The following LRBA variants were observed in gnomAD, a reference collection of about 807,000 sequenced individuals.
LRBA encodes lipopolysaccharide-responsive and beige-like anchor protein.
A neutral mutation model predicts 330.0 loss-of-function variants in LRBA; 176 were observed. The ratio of observed to expected loss-of-function variants is 0.53; its 90% CI spans 0.47 to 0.60. The LOEUF (loss-of-function observed/expected upper bound fraction) is 0.60, where lower values mean the gene tolerates loss of function less well. LRBA is among the 20% of genes least tolerant of loss of function. The probability of loss-of-function intolerance (pLI) is 0.00; values close to 1 mark genes in which losing one functional copy is unlikely to be tolerated. For missense variants in LRBA, 3,259 were observed against 3,444.8 expected, an observed-to-expected ratio of 0.95 and a Z score of 1.35; for synonymous variants, 1,230 against 1,193.0, an observed-to-expected ratio of 1.03 and a Z score of -0.64.
chr4:150,399,375 G>A (rs140939432), intron 47 of LRBA, among the ~76,000 whole-genome samples: 1 of 152,216 alleles, frequency 6.6e-6, no homozygotes, highest in African/African-American at 2.4e-5. Flanking sequence ...CTCAAGCTCT[G>A]CTGTTGTCAT....
chr4:150,720,380 T>A (rs1004260586), intron 36 of LRBA, among the ~76,000 whole-genome samples: 2 of 151,784 alleles, frequency 1.3e-5, no homozygotes, highest in African/African-American at 2.4e-5. Context: ...AAAAACATAA[T>A]GCAAATAAGA....
In LRBA at chr4:150,736,042, CA is replaced by C. The variant is rs199537664; in HGVS notation, c.5646-677del. Among the ~76,000 whole-genome samples the C allele has an allele frequency of 6.6e-5, 10 of 152,264 alleles. No homozygotes were observed. The East Asian group carries it at 1.9e-3, about 29-fold the overall frequency. On this transcript the variant is annotated intron_variant, in intron 35 of 56. Transcript: ENST00000651943. ...AAATACCAATGCAGGAGGGCCATGG[CA>C]AAACCCCAGGTTTTCAGAGTACCTC...
chr4:150,812,615 T>A (rs1212192371), intron 31 of LRBA, among the ~76,000 whole-genome samples: 1 of 152,140 alleles, frequency 6.6e-6, no homozygotes, highest in East Asian at 1.9e-4. Context: ...AAAATAAGCC[T>A]ATTGGCCTAA....
At chr4:150,397,415 C>A (rs904258262) in intron 47 of LRBA, among the ~76,000 whole-genome samples, 2 of 151,928 alleles carry the variant, frequency 1.3e-5, no homozygotes, top group Non-Finnish European at 2.9e-5. Context: ...GTAGCTGGGA[C>A]TACAGGCACA....
At chr4:150,515,946 G>A (rs1762287658) in intron 40 of LRBA, among the ~76,000 whole-genome samples, 1 of 151,798 alleles carries the variant, frequency 6.6e-6, no homozygotes, top group South Asian at 2.1e-4. Context: ...TTTTATAATA[G>A]TAAGAAAATA....
chr4:150,920,188 GAACT>G (rs1391523269), intron 5 of LRBA, among the ~76,000 whole-genome samples: 5 of 152,032 alleles, frequency 3.3e-5, no homozygotes, highest in Admixed American at 1.3e-4. Flanking sequence ...GATTTTATGA[GAACT>G]AACATAAAAA....
intron 47 of LRBA, among the ~76,000 whole-genome samples, chr4:150,372,790 G>A (rs1343515417): frequency 2.0e-5 from 2 of 98,474 alleles, no homozygotes; most frequent in Admixed American, 9.6e-5. Context: ...CTCCTGTGAT[G>A]GCCAGCCTCC....
chr4:150,571,962 G>A (rs537750024), intron 40 of LRBA, among the ~76,000 whole-genome samples: 2 of 151,040 alleles, frequency 1.3e-5, no homozygotes, highest in Non-Finnish European at 3.0e-5. Flanking sequence ...TCATCTCTTC[G>A]TATTACTTAG....
At chr4:150,989,538 G>A (rs770884497) in intron 2 of LRBA, among the ~76,000 whole-genome samples, 1 of 152,012 alleles carries the variant, frequency 6.6e-6, no homozygotes, top group Non-Finnish European at 1.5e-5. Context: ...GCTTGAACCC[G>A]GAAGGCACAG....
At chr4:150,500,842 T>C (rs1217434415) in intron 40 of LRBA, among the ~76,000 whole-genome samples, 1 of 152,196 alleles carries the variant, frequency 6.6e-6, no homozygotes, top group Non-Finnish European at 1.5e-5. Context: ...ATTAGGAACA[T>C]AGAACTTGAT....
In LRBA at chr4:150,436,868, C is replaced by T. The variant is rs1231278302; in HGVS notation, c.6781-4G>A. On this transcript the variant is annotated splice_region_variant and splice_polypyrimidine_tract_variant and intron_variant, in intron 44 of 56. Coordinates refer to ENST00000651943, the MANE Select transcript of LRBA (RefSeq NM_001364905.1). ...TTGGGTTCAGAGCTCCTATTGGCTG[C>T]CAATAGGGAGGGAAAAAACAAAGAA... 2 of 1,612,782 alleles carry T rather than the reference C, an allele frequency of 1.2e-6. No homozygotes were observed. The highest frequency in any genetic ancestry group is 1.3e-5 in the African/African-American group (1 of 74,802).
At chr4:150,606,946 G>A (rs62344744) in intron 37 of LRBA, among the ~76,000 whole-genome samples, 1 of 152,156 alleles carries the variant, frequency 6.6e-6, no homozygotes, top group Non-Finnish European at 1.5e-5. Flanking sequence ...TGATCAAAGA[G>A]TAAACCGATG....
intron 37 of LRBA, among the ~76,000 whole-genome samples, chr4:150,656,839 GAATA>G (rs963438792): frequency 6.6e-6 from 1 of 152,128 alleles, no homozygotes; most frequent in African/African-American, 2.4e-5. Context: ...TTTATTGAAT[GAATA>G]AATAAATGAG....
intron 47 of LRBA, 122 bp from the exon 48 acceptor site, chr4:150,350,281 A>G (rs1581085311): frequency 1.2e-6 from 1 of 811,902 alleles, no homozygotes; most frequent in South Asian, 2.2e-5. Context: ...TTTAAAAAAC[A>G]AAACTTGTGG....
In LRBA at chr4:150,852,538, C is replaced by G. The variant is rs2126922511; in HGVS notation, c.3172G>C (p.Val1058Leu). The change falls in exon 23 of 57, where the codon GTG (valine) becomes CTG (leucine). Residue 1058 changes from valine to leucine, a missense_variant. Transcript: ENST00000651943. ...ATAAAAGAATTAGAGGAAATAGCCA[C>G]AGCTTCTATTATGTCAGAAGATACT... The part of the protein sequence containing the change: ...LEVSSDIIEA[V>L]AISSNSFITT... The G allele has an allele frequency of 6.2e-7, 1 of 1,613,848 alleles. No individual in the cohort carries two copies.
chr4:150,438,254 G>A (rs1374931988), intron 44 of LRBA, among the ~76,000 whole-genome samples: 1 of 152,174 alleles, frequency 6.6e-6, no homozygotes, highest in East Asian at 1.9e-4. Context: ...AGGTCGAGGT[G>A]GGAGATTGTT....
intron 48 of LRBA, among the ~76,000 whole-genome samples, chr4:150,333,465 G>A (rs895087982): frequency 3.9e-5 from 6 of 152,008 alleles, no homozygotes. Context: ...CCAAAATTAA[G>A]TTCAAGAAAG....
At chr4:150,991,006 T>C (rs1025114440) in intron 2 of LRBA, among the ~76,000 whole-genome samples, 1 of 149,366 alleles carries the variant, frequency 6.7e-6, no homozygotes, top group Admixed American at 6.7e-5. Flanking sequence ...TGAGCTGAGA[T>C]TGTGCCACAG....
chr4:150,982,496 A>T (rs1018315031), intron 2 of LRBA, among the ~76,000 whole-genome samples: 3 of 152,098 alleles, frequency 2.0e-5, no homozygotes, highest in African/African-American at 7.2e-5. Context: ...ATGGGATTTA[A>T]ATACAGTAAG....
Sources: allele counts gnomAD v4.1 joint callset (sites outside exome capture counted in the v4.1 genomes callset), GRCh38; gene constraint gnomAD v4.1.1; transcripts MANE v1.5; gene names NCBI Gene and HGNC (gene_info 2026-07-23, HGNC 2026-07-21).